COL15A1: variants seen among roughly 807,000 people sequenced by gnomAD.
COL15A1 encodes collagen type XV alpha 1 chain.
A neutral mutation model predicts 165.9 loss-of-function variants in COL15A1; 111 were observed. The observed-to-expected ratio is 0.67, with a 90% CI of 0.57 to 0.78. The LOEUF (loss-of-function observed/expected upper bound fraction) is 0.78. Among genes scored for constraint, COL15A1 ranks in the 30% least tolerant of loss-of-function variants. COL15A1 has a pLI of 0.00. For synonymous variants in COL15A1, 659 were observed against 674.8 expected (o/e 0.98, Z 0.36); for missense variants, 1,745 against 1,789.7 (o/e 0.98, Z 0.45).
intron 17 of COL15A1, 124 bp from the exon 18 acceptor site, chr9:99,034,890 T>C: frequency 1.1e-6 from 1 of 949,250 alleles, no homozygotes; most frequent in Non-Finnish European, 1.7e-6. Context: ...CATTAAGTGG[T>C]ACCGATCAGA....
At chr9:98,944,843 G>C (rs1837551744) in intron 2 of COL15A1, among the ~76,000 whole-genome samples, 1 of 152,220 alleles carries the variant, frequency 6.6e-6, no homozygotes, top group African/African-American at 2.4e-5. Context: ...CGTTCCCCGG[G>C]CCTCAGTTTC....
chr9:99,063,277 A>T (rs1825845022), intron 39 of COL15A1, among the ~76,000 whole-genome samples, 168 bp downstream of exon 39: 1 of 152,154 alleles, frequency 6.6e-6, no homozygotes, highest in Admixed American at 6.5e-5. Context: ...GTTTGGGTGA[A>T]CCAAGCACAG....
At chr9:99,040,395 G>A in intron 22 of COL15A1, 126 bp from the exon 23 acceptor site, 1 of 1,497,994 alleles carries the variant, frequency 6.7e-7, no homozygotes, top group Non-Finnish European at 9.2e-7. Context: ...CTAATGCTGT[G>A]TCAATCCGTC....
rs114591153 is a variant in COL15A1 at position 99,028,083 on chromosome 9, G to A, written c.2043+2117G>A. Among the ~76,000 whole-genome samples the A allele has an allele frequency of 8.7e-3, 1,332 of 152,266 alleles. 18 individuals are homozygous for A. The highest frequency in any genetic ancestry group is 0.031 in the African/African-American group (1,277 of 41,542). On this transcript the variant is annotated intron_variant, in intron 16 of 41. Coordinates refer to ENST00000375001, the MANE Select transcript of COL15A1 (RefSeq NM_001855.5). The stretch of plus-strand genomic sequence containing the variant: ...TCCTGCCCAGGCAGTGCCTTGCACC[G>A]TTGGATAGATCCACTTATAGGGAAG...
intron 2 of COL15A1, among the ~76,000 whole-genome samples, chr9:98,971,704 T>C (rs1838057359): frequency 6.6e-6 from 1 of 152,228 alleles, no homozygotes; most frequent in Admixed American, 6.5e-5. Flanking sequence ...GCTCTTGCAC[T>C]GCGGCTAACT....
At chr9:99,030,343 C>G (rs947951431) in intron 16 of COL15A1, among the ~76,000 whole-genome samples, 16 of 152,204 alleles carry the variant, frequency 1.1e-4, no homozygotes, top group Non-Finnish European at 1.5e-4. Context: ...AAAATTCTCT[C>G]ACTAAGAAAT....
intron 39 of COL15A1, among the ~76,000 whole-genome samples, chr9:99,065,694 C>G (rs1362289292): frequency 6.8e-6 from 1 of 147,230 alleles, no homozygotes; most frequent in Non-Finnish European, 1.5e-5. Context: ...CAAGACAGAA[C>G]CAGGATGAAT....
Position 99,049,757 on chromosome 9 carries a change from G to A in COL15A1, c.2861G>A (p.Gly954Glu), listed in dbSNP as rs757069097. The stretch of plus-strand genomic sequence containing the variant: ...CCTGGAGCTGTGATTAACATCAAAG[G>A]AGTAAGTTGGCACGCAGTGGGAAGA... ...GPPGAVINIK[G>E]AIFPIPVRPH... The change falls in exon 29 of 42, where the codon GGA becomes GAA. Residue 954 changes from glycine (G) to glutamate (E), a missense_variant and splice_region_variant. Coordinates refer to ENST00000375001, the MANE Select transcript of COL15A1 (RefSeq NM_001855.5). The A allele has an allele frequency of 9.9e-6, 16 of 1,614,134 alleles. No homozygotes were observed. The highest frequency in any genetic ancestry group is 2.2e-5 in the South Asian group (2 of 91,090).
At chr9:99,015,854 C>T (rs760260769) in intron 10 of COL15A1, 122 bp from the exon 11 acceptor site, 13 of 1,211,888 alleles carry the variant, frequency 1.1e-5, no homozygotes, top group South Asian at 4.0e-5. Flanking sequence ...CTGGGGGTAA[C>T]GATGATCGTA....
rs763800293 is a variant in COL15A1 at position 99,024,853 on chromosome 9, AC to A, written c.1855-20del. The stretch of plus-strand genomic sequence containing the variant: ...ATTCGGTATTCCCCCACTGTTTCTA[AC>A]AGAGTCTTTGTGTTTTTAGGGTCCT... On this transcript the variant is annotated intron_variant, in intron 14 of 41. Coordinates refer to ENST00000375001, the MANE Select transcript of COL15A1 (RefSeq NM_001855.5). The A allele has an allele frequency of 6.2e-7, 1 of 1,608,322 alleles. No individual in the cohort carries two copies. Among genetic ancestry groups the A allele is most frequent in the African/African-American group, 1.3e-5 (1 of 74,504 alleles).
chr9:98,962,963 T>C (rs1453094207), intron 2 of COL15A1, among the ~76,000 whole-genome samples: 1 of 152,150 alleles, frequency 6.6e-6, no homozygotes, highest in Non-Finnish European at 1.5e-5. Context: ...TGAATAGAAA[T>C]GTGTGTGTTG....
chr9:99,030,662 A>T (rs1839201211), intron 16 of COL15A1, among the ~76,000 whole-genome samples: 1 of 152,246 alleles, frequency 6.6e-6, no homozygotes, highest in Admixed American at 6.5e-5. Flanking sequence ...TTGGAAAGGA[A>T]TGAGGAAGGC....
chr9:99,036,964 C>A (rs1037901971), intron 21 of COL15A1, among the ~76,000 whole-genome samples: 1 of 152,224 alleles, frequency 6.6e-6, no homozygotes, highest in Non-Finnish European at 1.5e-5. Context: ...TCCACCTCAC[C>A]ACGGAGGGGG....
At chr9:99,038,847 C>A in intron 22 of COL15A1, 114 bp downstream of exon 22, 1 of 645,278 alleles carries the variant, frequency 1.5e-6, no homozygotes, top group Non-Finnish European at 2.8e-6. Flanking sequence ...TAGAATATAT[C>A]AAAGTAGAAT....
chr9:99,036,377 A>T lies in COL15A1; in HGVS notation c.2390A>T (p.His797Leu), dbSNP rs756333324. 21 of 1,614,092 alleles carry T rather than the reference A, an allele frequency of 1.3e-5. No individual in the cohort carries two copies. The highest frequency in any genetic ancestry group is 1.7e-6 in the Non-Finnish European group (2 of 1,180,032). The change falls in exon 21 of 42, where the codon CAC becomes CTC. Residue 797 changes from histidine (H) to leucine (L), a missense_variant. Coordinates refer to ENST00000375001, the MANE Select transcript of COL15A1 (RefSeq NM_001855.5). ...CCTGGGCCGAGAGGGCCACCTGGGC[A>T]CATCAAGGTCTTGTCTAATGTGAGT... is the stretch of plus-strand genomic sequence containing the variant. Reference protein sequence around the residue: ...GPPGPRGPPGHIKVLSNSLIN... With the variant: ...GPPGPRGPPGLIKVLSNSLIN...
At chr9:99,063,233 A>G (rs1825844279) in intron 39 of COL15A1, 124 bp downstream of exon 39, 1 of 1,162,594 alleles carries the variant, frequency 8.6e-7, no homozygotes, top group South Asian at 1.9e-5. Context: ...GAGGCAAACA[A>G]AAAACAGAGA....
chr9:99,046,957 G>A (rs1181708447), intron 26 of COL15A1, among the ~76,000 whole-genome samples: 1 of 152,166 alleles, frequency 6.6e-6, no homozygotes, highest in African/African-American at 2.4e-5. Context: ...ATTTTTCAGA[G>A]CATGGCTATG....
rs564982432 is a variant in COL15A1 at position 98,945,800 on chromosome 9, G to T, written c.100+1550G>T. On this transcript the variant is annotated intron_variant, in intron 2 of 41. Coordinates refer to ENST00000375001, the MANE Select transcript of COL15A1 (RefSeq NM_001855.5). ...GGCAGAGGCCAACTTTGGGTTCCAT[G>T]GTCTTTTGTGAACTTTGCTGCAACT... Among the ~76,000 whole-genome samples the T allele has an allele frequency of 3.9e-5, 6 of 152,338 alleles. No homozygotes were observed. The South Asian group carries it at 1.2e-3, about 32-fold the overall frequency.
intron 7 of COL15A1, among the ~76,000 whole-genome samples, chr9:99,001,245 G>A (rs1416413824): frequency 6.6e-6 from 1 of 152,194 alleles, no homozygotes; most frequent in Non-Finnish European, 1.5e-5. Flanking sequence ...CTGCTCAGTT[G>A]TGAAGGCACA....
Sources: gnomAD v4.1 joint callset for allele counts (sites outside exome capture counted in the v4.1 genomes callset) on GRCh38, gnomAD v4.1.1 for gene constraint, MANE v1.5 for transcripts, NCBI Gene and HGNC (gene_info 2026-07-23, HGNC 2026-07-21) for gene names.